UNC5B: variants seen among roughly 807,000 people sequenced by gnomAD.
UNC5B encodes netrin receptor UNC5B.
In UNC5B, 56 loss-of-function variants were observed where a neutral mutation model predicts 103.7. The observed-to-expected ratio is 0.54, with a 90% CI of 0.44 to 0.67. The LOEUF (loss-of-function observed/expected upper bound fraction) is 0.67, where lower values mean the gene tolerates loss of function less well. Among genes scored for constraint, UNC5B ranks in the 30% least tolerant of loss-of-function variants. The probability of loss-of-function intolerance (pLI) is 0.00; values close to 1 mark genes in which losing one functional copy is unlikely to be tolerated. For missense variants in UNC5B, 1,194 were observed against 1,284.5 expected, an observed-to-expected ratio of 0.93 and a Z score of 1.08; for synonymous variants, 577 against 542.0, an observed-to-expected ratio of 1.06 and a Z score of -0.90.
intron 2 of UNC5B, among the ~76,000 whole-genome samples, chr10:71,282,285 C>A (rs1395419372): frequency 6.6e-6 from 1 of 152,206 alleles, no homozygotes; most frequent in Admixed American, 6.5e-5. Flanking sequence ...CAGCCCCCCA[C>A]CAGCTTATGC....
intron 16 of UNC5B, 80 bp from the exon 17 acceptor site, chr10:71,299,032 C>G: frequency 6.4e-7 from 1 of 1,559,604 alleles, no homozygotes; most frequent in Non-Finnish European, 8.7e-7. Context: ...CTTCCCACTT[C>G]CCCTTGTGCC....
chr10:71,248,705 C>G (rs958814530), intron 1 of UNC5B, among the ~76,000 whole-genome samples: 1 of 152,048 alleles, frequency 6.6e-6, no homozygotes, highest in African/African-American at 2.4e-5. Flanking sequence ...CAAAGTGGCT[C>G]CTAGGCATGC....
intron 1 of UNC5B, among the ~76,000 whole-genome samples, chr10:71,267,369 A>G (rs1343926033): frequency 6.6e-6 from 1 of 152,210 alleles, no homozygotes; most frequent in Non-Finnish European, 1.5e-5. Context: ...TCAAGTTGGA[A>G]GTAGTTAAAG....
At position 71,291,514 on chromosome 10, in the gene UNC5B, G is replaced by A. The variant is rs936691836; in HGVS notation, c.1377G>A (p.Leu459=). 25 of 1,614,016 alleles carry A rather than the reference G, an allele frequency of 1.5e-5. No homozygotes were observed. Among genetic ancestry groups the A allele is most frequent in the Non-Finnish European group, 2.0e-5 (24 of 1,180,030 alleles). Residue 459 remains leucine, a synonymous_variant, in exon 10 of 17, where the codon CTG becomes CTA. Transcript: ENST00000335350. Reference sequence around the variant, plus strand: ...TCTACCGCGGACCCGTGTATGCCCTGCAGGACTCCACCGACAAAATCCCCA... The same window carrying A: ...TCTACCGCGGACCCGTGTATGCCCTACAGGACTCCACCGACAAAATCCCCA... The part of the protein sequence containing the change: ...AGIYRGPVYA[L]QDSTDKIPMT...
At chr10:71,264,672 T>C (rs2132284469) in intron 1 of UNC5B, among the ~76,000 whole-genome samples, 2 of 152,308 alleles carry the variant, frequency 1.3e-5, no homozygotes, top group Non-Finnish European at 2.9e-5. Flanking sequence ...CATAGAGCCG[T>C]GTGTGGACTG....
intron 1 of UNC5B, among the ~76,000 whole-genome samples, chr10:71,219,290 T>C (rs796600379): frequency 3.9e-5 from 6 of 151,978 alleles, no homozygotes; most frequent in African/African-American, 1.4e-4. Flanking sequence ...AATATATATA[T>C]AAAGGAGAGT....
At chr10:71,242,762 ATC>A (rs1313227051) in intron 1 of UNC5B, among the ~76,000 whole-genome samples, 1 of 152,102 alleles carries the variant, frequency 6.6e-6, no homozygotes, top group African/African-American at 2.4e-5. Context: ...GGCCCCCAGA[ATC>A]TCACACACAC....
chr10:71,233,575 A>G (rs1256802671), intron 1 of UNC5B, among the ~76,000 whole-genome samples: 1 of 152,058 alleles, frequency 6.6e-6, no homozygotes, highest in Non-Finnish European at 1.5e-5. Context: ...AGAGGTGGCC[A>G]CCGTCCCAGC....
Position 71,297,913 on chromosome 10 carries a change from C to T in UNC5B, c.2495C>T (p.Pro832Leu), listed in dbSNP as rs747630370. 2 of 1,611,802 alleles carry T rather than the reference C, an allele frequency of 1.2e-6. No homozygotes were observed. Among genetic ancestry groups the T allele is most frequent in the Admixed American group, 3.3e-5 (2 of 59,894 alleles). ...TCTTGGCCCCCACCCTTGCAGACAC[C>T]TGCTGGCTCCCTGGACACTCTCTGC... ...FQLHTTLAET[P>L]AGSLDTLCSA... The change falls in exon 16 of 17, where the codon CCT (proline) becomes CTT (leucine). Residue 832 changes from proline to leucine, a missense_variant. Physicochemically the swap from Pro to Leu is moderately conservative, Grantham distance 98 (BLOSUM62 -3). Transcript: ENST00000335350.
chr10:71,215,172 T>C (rs1473004218), intron 1 of UNC5B, among the ~76,000 whole-genome samples: 1 of 152,228 alleles, frequency 6.6e-6, no homozygotes, highest in African/African-American at 2.4e-5. Flanking sequence ...GTTTTTCCAT[T>C]GGATCCTTCA....
chr10:71,230,808 G>T (rs898606814), intron 1 of UNC5B, among the ~76,000 whole-genome samples: 1 of 152,262 alleles, frequency 6.6e-6, no homozygotes, highest in Non-Finnish European at 1.5e-5. Context: ...GGGCAGGGAA[G>T]CAGGGAAGTG....
chr10:71,287,342 G>GC (rs1226874139), intron 5 of UNC5B, among the ~76,000 whole-genome samples: 1 of 152,206 alleles, frequency 6.6e-6, no homozygotes, highest in Non-Finnish European at 1.5e-5. Flanking sequence ...TGGGGAAGTG[G>GC]CAGCCCTTTC....
chr10:71,212,995 C>CG lies in UNC5B; in HGVS notation c.12dup (p.Ser5GlufsTer25). The CG allele has an allele frequency of 7.1e-7, 1 of 1,398,928 alleles. No individual in the cohort carries two copies. The highest frequency in any genetic ancestry group is 9.3e-7 in the Non-Finnish European group (1 of 1,071,358). 86.7% of individuals were successfully genotyped at this position (1,398,928 alleles called of 1,614,324 possible). The stretch of plus-strand genomic sequence containing the variant: ...ACCAGGCCGCGGGAGCATGGGGGCC[C>CG]GGAGCGGAGCTCGGGGCGCGCTGCT... On this transcript the variant is annotated frameshift_variant, in exon 1 of 17. Transcript: ENST00000335350. LOFTEE classifies it high-confidence loss of function.
chr10:71,230,430 C>A (rs1007337121), intron 1 of UNC5B, among the ~76,000 whole-genome samples: 1 of 152,252 alleles, frequency 6.6e-6, no homozygotes, highest in African/African-American at 2.4e-5. Flanking sequence ...TCAGACTGAG[C>A]AGAGCAGGCC....
At chr10:71,259,272 C>T (rs902523788) in intron 1 of UNC5B, among the ~76,000 whole-genome samples, 16 of 151,856 alleles carry the variant, frequency 1.1e-4, no homozygotes, top group Admixed American at 9.8e-4. Flanking sequence ...GCCTGTAATT[C>T]CAGCTACTCA....
At chr10:71,228,027 A>G (rs1042150487) in intron 1 of UNC5B, among the ~76,000 whole-genome samples, 18 of 152,332 alleles carry the variant, frequency 1.2e-4, no homozygotes, top group African/African-American at 4.3e-4. Context: ...TAGACCAAAG[A>G]TAATAGTAAG....
intron 1 of UNC5B, among the ~76,000 whole-genome samples, chr10:71,271,015 G>A (rs1331002184): frequency 2.0e-5 from 3 of 152,156 alleles, no homozygotes; most frequent in African/African-American, 7.2e-5. Context: ...GTCTGAGGGG[G>A]CTTGCCACCT....
At chr10:71,237,553 C>T (rs1193275205) in intron 1 of UNC5B, among the ~76,000 whole-genome samples, 2 of 152,040 alleles carry the variant, frequency 1.3e-5, no homozygotes, top group African/African-American at 2.4e-5. Context: ...AGCAGTGAGA[C>T]GTCAATAAGT....
intron 1 of UNC5B, among the ~76,000 whole-genome samples, chr10:71,263,137 G>A (rs1255049665): frequency 2.0e-5 from 3 of 152,176 alleles, no homozygotes; most frequent in East Asian, 1.9e-4. Flanking sequence ...GGCATCCTAC[G>A]TTCTGAGGTG....
Sources: allele counts gnomAD v4.1 joint callset (sites outside exome capture counted in the v4.1 genomes callset), GRCh38; gene constraint gnomAD v4.1.1; transcripts MANE v1.5; gene names NCBI Gene and HGNC (gene_info 2026-07-23, HGNC 2026-07-21).